The following EIF2AK4 variants were observed in gnomAD, a reference collection of about 807,000 sequenced individuals.
EIF2AK4 encodes the protein eukaryotic translation initiation factor 2 alpha kinase 4.
Under a neutral mutation model 211.1 loss-of-function variants are expected in EIF2AK4, and 139 were observed. The ratio of observed to expected loss-of-function variants is 0.66; its 90% CI spans 0.57 to 0.76. The LOEUF is 0.76. Among genes scored for constraint, EIF2AK4 ranks in the 30% least tolerant of loss-of-function variants. The pLI is 0.00. For synonymous variants in EIF2AK4, 710 were observed against 751.3 expected (o/e 0.94, Z 0.90); for missense variants, 1,664 against 2,043.8 (o/e 0.81, Z 3.58).
intron 31 of EIF2AK4, chr15:40,022,065 C>G (rs2035395306): frequency 6.3e-6 from 1 of 159,450 alleles, no homozygotes; most frequent in Non-Finnish European, 1.4e-5. Flanking sequence ...GACCTCAGTC[C>G]TGCACAGTGA....
At chr15:39,963,909 G>T (rs1028388862) in intron 7 of EIF2AK4, among the ~76,000 whole-genome samples, 4 of 152,168 alleles carry the variant, frequency 2.6e-5, no homozygotes, top group African/African-American at 9.7e-5. Flanking sequence ...ACACTGTACT[G>T]CATAACACAC....
At chr15:40,022,909 A>G (rs908987202) in intron 32 of EIF2AK4, among the ~76,000 whole-genome samples, 1 of 151,804 alleles carries the variant, frequency 6.6e-6, no homozygotes, top group Non-Finnish European at 1.5e-5. Context: ...AATTTTTTGT[A>G]TTTTTAGTGG....
chr15:40,009,145 G>C (rs866836268), intron 25 of EIF2AK4, among the ~76,000 whole-genome samples: 1 of 151,640 alleles, frequency 6.6e-6, no homozygotes, highest in Non-Finnish European at 1.5e-5. Context: ...AGGATGGTGT[G>C]CAGTGATACT....
At chr15:39,954,309 G>A (rs2140905394) in intron 5 of EIF2AK4, among the ~76,000 whole-genome samples, 1 of 152,206 alleles carries the variant, frequency 6.6e-6, no homozygotes, top group East Asian at 1.9e-4. Flanking sequence ...CTGGAGTGCA[G>A]TGGTATGATC....
intron 24 of EIF2AK4, among the ~76,000 whole-genome samples, chr15:40,007,392 T>C (rs916302996): frequency 2.6e-5 from 4 of 152,212 alleles, no homozygotes; most frequent in African/African-American, 4.8e-5. Flanking sequence ...TGATCACAGA[T>C]GGCCCCTTTT....
intron 24 of EIF2AK4, 76 bp downstream of exon 24, chr15:40,007,141 T>A: frequency 1.6e-6 from 2 of 1,283,756 alleles, no homozygotes; most frequent in Non-Finnish European, 2.2e-6. Flanking sequence ...GAAAGAATAT[T>A]TTATTTCCTG....
intron 11 of EIF2AK4, 49 bp downstream of exon 11, chr15:39,973,798 C>T (rs199749945): frequency 3.8e-6 from 6 of 1,597,640 alleles, no homozygotes; most frequent in Non-Finnish European, 3.4e-6. Context: ...CTTCTCTGTT[C>T]CATTTCCACA....
At chr15:39,983,237 T>C (rs558938126) in intron 13 of EIF2AK4, among the ~76,000 whole-genome samples, 1 of 152,346 alleles carries the variant, frequency 6.6e-6, no homozygotes, top group Admixed American at 6.5e-5. Context: ...TGATCACCAT[T>C]CTAACTGGAG....
chr15:39,946,472 G>A (rs2034228678), intron 3 of EIF2AK4: 1 of 666,570 alleles, frequency 1.5e-6, no homozygotes, highest in Non-Finnish European at 2.7e-6. Context: ...ATGATTAGTT[G>A]CCTCTTATAG....
intron 28 of EIF2AK4, 40 bp from the exon 29 acceptor site, chr15:40,017,068 T>C: frequency 1.3e-6 from 2 of 1,594,600 alleles, no homozygotes; most frequent in African/African-American, 2.7e-5. Flanking sequence ...ATTCTAAATT[T>C]CAAACCCTTG....
At chr15:40,009,583 A>T (rs1429819693) in intron 25 of EIF2AK4, 31 bp from the exon 26 acceptor site, 1 of 1,430,262 alleles carries the variant, frequency 7.0e-7, no homozygotes, top group Non-Finnish European at 9.7e-7. Flanking sequence ...TGCTTTTATA[A>T]TGAAAATAGT....
At chr15:40,002,818 TC>T (rs764080496) in intron 22 of EIF2AK4, 30 bp downstream of exon 22, 2 of 1,611,182 alleles carry the variant, frequency 1.2e-6, no homozygotes, top group Admixed American at 3.3e-5. Context: ...AAATGATATT[TC>T]TTCTCATAAG....
intron 29 of EIF2AK4, among the ~76,000 whole-genome samples, chr15:40,017,470 T>C (rs2140943271): frequency 7.4e-6 from 1 of 135,294 alleles, no homozygotes; most frequent in East Asian, 2.2e-4. Context: ...AAGATAGTAC[T>C]GAGAGGGCTC....
At chr15:39,953,828 T>C in intron 4 of EIF2AK4, 76 bp from the exon 5 acceptor site, 1 of 1,428,792 alleles carries the variant, frequency 7.0e-7, no homozygotes, top group Non-Finnish European at 9.6e-7. Context: ...GTTAAAAGAT[T>C]TTTCTGTAGT....
intron 13 of EIF2AK4, among the ~76,000 whole-genome samples, chr15:39,979,431 A>G (rs1297402673): frequency 6.6e-6 from 1 of 152,242 alleles, no homozygotes; most frequent in Non-Finnish European, 1.5e-5. Flanking sequence ...TACTTTGTCC[A>G]GATTAAGAAA....
Position 39,996,987 on chromosome 15 carries a change from A to G in EIF2AK4, c.2790A>G (p.Gly930=), listed in dbSNP as rs758541336. ...AGAAAGTGGATCTCTTCAGCCTGGGAATTATCTTCTTTGAGATGTCCTATC... is the reference window on the plus strand; with the variant it reads ...AGAAAGTGGATCTCTTCAGCCTGGGGATTATCTTCTTTGAGATGTCCTATC... ...YNQKVDLFSL[G]IIFFEMSYHP... Residue 930 remains glycine (G), a synonymous_variant, in exon 19 of 39, where the codon GGA becomes GGG. Transcript: ENST00000263791. 5 of 1,613,790 alleles carry G rather than the reference A, an allele frequency of 3.1e-6. No individual in the cohort carries two copies. The African/African-American group carries it at 6.7e-5, about 22-fold the overall frequency.
rs1469165566 is a variant in EIF2AK4 at position 40,002,792 on chromosome 15, T to C, written c.3235+4T>C. ...ATCCGCATCTTTAAAAGACATGGTA[T>C]GTACGCCCTTTTTAAAAATGATATT... On this transcript the variant is annotated splice_donor_region_variant and intron_variant, in intron 22 of 38. Transcript: ENST00000263791. 8.7e-6 allele frequency: 14 copies of C among 1,614,120 alleles called. No homozygotes were observed. The highest frequency in any genetic ancestry group is 1.1e-5 in the Non-Finnish European group (13 of 1,179,964).
intron 22 of EIF2AK4, 135 bp from the exon 23 acceptor site, chr15:40,003,058 G>T (rs1043335408): frequency 7.5e-7 from 1 of 1,329,454 alleles, no homozygotes; most frequent in African/African-American, 1.5e-5. Context: ...TAAATTTAGA[G>T]AACTCAAGAA....
intron 20 of EIF2AK4, among the ~76,000 whole-genome samples, chr15:39,999,026 CT>C (rs1479157601): frequency 2.0e-5 from 3 of 150,860 alleles, no homozygotes; most frequent in Non-Finnish European, 4.4e-5. Flanking sequence ...ATTCGTTGTG[CT>C]TTTGAAGTGC....
Sources: gnomAD v4.1 joint callset for allele counts (sites outside exome capture counted in the v4.1 genomes callset) on GRCh38, gnomAD v4.1.1 for gene constraint, MANE v1.5 for transcripts, NCBI Gene and HGNC (gene_info 2026-07-23, HGNC 2026-07-21) for gene names.